Variants in COG6 observed in about 807,000 individuals in gnomAD.
COG6 encodes the protein component of oligomeric golgi complex 6, also known as conserved oligomeric Golgi complex subunit 6.
COG6 carries 74 observed loss-of-function variants against 88.8 expected under a neutral mutation model. The observed-to-expected ratio is 0.83, with a 90% CI of 0.69 to 1.01. The LOEUF is 1.01. Among genes scored for constraint, COG6 ranks in the 50% least tolerant of loss-of-function variants. The pLI is 0.00. For synonymous variants in COG6, 286 were observed against 278.7 expected, an observed-to-expected ratio of 1.03 and a Z score of -0.26; for missense variants, 800 against 797.9, an observed-to-expected ratio of 1.00 and a Z score of -0.03.
chr13:39,663,849 C>G (rs909481253), intron 3 of COG6, among the ~76,000 whole-genome samples: 2 of 150,562 alleles, frequency 1.3e-5, no homozygotes, highest in Non-Finnish European at 2.9e-5. Flanking sequence ...GATTGCACCA[C>G]CATACTCCAG....
intron 13 of COG6, among the ~76,000 whole-genome samples, chr13:39,700,479 A>C (rs1877517948): frequency 6.6e-6 from 1 of 151,894 alleles, no homozygotes; most frequent in African/African-American, 2.4e-5. Flanking sequence ...TGGAGCTGGA[A>C]TATCTACCTT....
At chr13:39,756,763 G>A (rs77287412), downstream of COG6, among the ~76,000 whole-genome samples, 1,221 of 152,010 alleles carry the variant, frequency 8.0e-3, 15 homozygotes, top group African/African-American at 0.028. Flanking sequence ...CGGCAGTGGC[G>A]GGGGAACATA....
At chr13:39,723,236 T>C (rs1336372128) in intron 15 of COG6, 97 bp from the exon 16 acceptor site, 6 of 746,814 alleles carry the variant, frequency 8.0e-6, no homozygotes, top group Non-Finnish European at 1.5e-5. Context: ...ACAGAGGTGA[T>C]CCCTGTGCCT....
chr13:39,722,485 C>A (rs947300772), intron 15 of COG6, among the ~76,000 whole-genome samples: 2 of 151,726 alleles, frequency 1.3e-5, no homozygotes, highest in African/African-American at 4.8e-5. Flanking sequence ...TGGAAAATGG[C>A]AATCATTTAG....
intron 18 of COG6, among the ~76,000 whole-genome samples, chr13:39,784,086 C>T (rs1881706848): frequency 6.6e-6 from 1 of 152,188 alleles, no homozygotes; most frequent in African/African-American, 2.4e-5. Flanking sequence ...ACACGGTCCA[C>T]TCCACACAGC....
At chr13:39,758,636 G>T (rs1238451339) in intron 18 of COG6, among the ~76,000 whole-genome samples, 1 of 152,070 alleles carries the variant, frequency 6.6e-6, no homozygotes, top group Admixed American at 6.6e-5. Flanking sequence ...TTGCTGGTGG[G>T]GATATAAAGT....
chr13:39,775,821 G>A (rs1465655503), intron 18 of COG6, among the ~76,000 whole-genome samples: 1 of 150,992 alleles, frequency 6.6e-6, no homozygotes, highest in Non-Finnish European at 1.5e-5. Flanking sequence ...CTAGGCTGGA[G>A]TGCAATGGTG....
chr13:39,678,907 T>C (rs1278874148), intron 5 of COG6, among the ~76,000 whole-genome samples: 1 of 129,628 alleles, frequency 7.7e-6, no homozygotes, highest in East Asian at 2.3e-4. Context: ...TGGTAGAAAT[T>C]AGAAAATGAG....
chr13:39,679,946 T>G, intron 6 of COG6, 29 bp from the exon 7 acceptor site: 1 of 1,224,230 alleles, frequency 8.2e-7, no homozygotes, highest in Non-Finnish European at 1.2e-6. Context: ...TGACTAAAGT[T>G]TAAATTATAA....
intron 13 of COG6, among the ~76,000 whole-genome samples, chr13:39,701,854 T>A (rs1028659694): frequency 6.6e-6 from 1 of 151,720 alleles, no homozygotes; most frequent in Admixed American, 6.6e-5. Context: ...TATTAAAAAA[T>A]TTGAAACAGA....
chr13:39,712,374 T>G (rs1336204105), intron 13 of COG6, among the ~76,000 whole-genome samples: 1 of 152,202 alleles, frequency 6.6e-6, no homozygotes, highest in African/African-American at 2.4e-5. Context: ...ATGTCTGTTG[T>G]CCAGAGGCTT....
chr13:39,766,991 T>C (rs1347606671), intron 18 of COG6, among the ~76,000 whole-genome samples: 2 of 152,226 alleles, frequency 1.3e-5, no homozygotes, highest in Non-Finnish European at 2.9e-5. Flanking sequence ...TTAAGCTCTC[T>C]AATGTTGACT....
At chr13:39,767,408 C>G (rs912041866) in intron 18 of COG6, among the ~76,000 whole-genome samples, 3 of 137,184 alleles carry the variant, frequency 2.2e-5, no homozygotes, top group Non-Finnish European at 5.0e-5. Context: ...TCAGAAATTA[C>G]GGATTTTTTT....
intron 18 of COG6, among the ~76,000 whole-genome samples, chr13:39,738,436 GAACA>G (rs1179620006): frequency 3.3e-5 from 5 of 152,004 alleles, no homozygotes; most frequent in African/African-American, 1.2e-4. Context: ...CAATAGATAA[GAACA>G]AATAGAATTT....
At chr13:39,659,564 T>TGTG (rs1363361637) in intron 2 of COG6, 57 bp downstream of exon 2, 1 of 1,455,156 alleles carries the variant, frequency 6.9e-7, no homozygotes, top group Non-Finnish European at 9.6e-7. Flanking sequence ...CGCCTGGCTC[T>TGTG]GTGCTAAGTA....
intron 4 of COG6, 80 bp from the exon 5 acceptor site, chr13:39,677,386 TTA>T: frequency 2.5e-6 from 2 of 794,836 alleles, no homozygotes. Flanking sequence ...TAAAAATTTA[TTA>T]TGTCTGAGAT....
In COG6 at chr13:39,716,862, G is replaced by A. The variant is rs548242889; in HGVS notation, c.1285-2374G>A. ...CATAGACTTATAATTATTGCCTCAT[G>A]CAGTTTTCTTTTAAATTAGAGTTAT... On this transcript the variant is annotated intron_variant, in intron 13 of 18. Transcript: ENST00000455146. Among the ~76,000 whole-genome samples, 42 of 152,186 alleles carry A rather than the reference G, an allele frequency of 2.8e-4. 1 individual carries two copies. The South Asian group carries it at 8.7e-3, about 32-fold the overall frequency.
intron 4 of COG6, among the ~76,000 whole-genome samples, chr13:39,670,604 G>A (rs114795941): frequency 4.6e-5 from 7 of 151,918 alleles, no homozygotes; most frequent in African/African-American, 7.2e-5. Context: ...AATTATTTAC[G>A]TAAGTTGCTG....
downstream of COG6, among the ~76,000 whole-genome samples, chr13:39,755,753 A>T (rs1221997990): frequency 1.3e-5 from 2 of 152,224 alleles, no homozygotes; most frequent in African/African-American, 4.8e-5. Flanking sequence ...TGTCCAAGAC[A>T]TGTCCCAACA....
Sources: allele counts gnomAD v4.1 joint callset (sites outside exome capture counted in the v4.1 genomes callset), GRCh38; gene constraint gnomAD v4.1.1; transcripts MANE v1.5; gene names NCBI Gene and HGNC (gene_info 2026-07-23, HGNC 2026-07-21).